Variants in FRMD4A observed in about 807,000 individuals in gnomAD.
FRMD4A encodes the protein FERM domain-containing protein 4A.
A neutral mutation model predicts 129.1 loss-of-function variants in FRMD4A; 29 were observed. The ratio of observed to expected loss-of-function variants is 0.22; its 90% confidence interval spans 0.17 to 0.31. The LOEUF (loss-of-function observed/expected upper bound fraction) is 0.31, where lower values mean the gene tolerates loss of function less well. FRMD4A is among the 10% of genes least tolerant of loss of function. The pLI, the probability that FRMD4A is intolerant of heterozygous loss-of-function variation, is 1.00. For missense variants in FRMD4A, 1,272 were observed against 1,375.8 expected (o/e 0.92, Z 1.19); for synonymous variants, 634 against 571.6 (o/e 1.11, Z -1.56).
intron 2 of FRMD4A, among the ~76,000 whole-genome samples, chr10:14,269,605 C>T (rs747101719): frequency 2.0e-5 from 3 of 152,056 alleles, no homozygotes; most frequent in Non-Finnish European, 4.4e-5. Context: ...AAGTTATCTG[C>T]GTCTAAGGGA....
chr10:14,108,929 C>T (rs1016158859), intron 2 of FRMD4A, among the ~76,000 whole-genome samples: 1 of 152,146 alleles, frequency 6.6e-6, no homozygotes, highest in Non-Finnish European at 1.5e-5. Flanking sequence ...TGAGACCTTC[C>T]CAGATCTTTG....
chr10:14,075,290 G>A (rs1835521567), intron 2 of FRMD4A, among the ~76,000 whole-genome samples: 1 of 152,136 alleles, frequency 6.6e-6, no homozygotes, highest in South Asian at 2.1e-4. Context: ...GGAAAGGGGA[G>A]GACATATTAT....
chr10:13,675,129 G>A, intron 15 of FRMD4A, 85 bp from the exon 16 acceptor site: 2 of 1,256,982 alleles, frequency 1.6e-6, no homozygotes, highest in Admixed American at 1.7e-5. Context: ...AGCCCATGCT[G>A]CGGAGATGGG....
At chr10:14,067,823 A>T (rs1471485134) in intron 2 of FRMD4A, among the ~76,000 whole-genome samples, 2 of 152,206 alleles carry the variant, frequency 1.3e-5, no homozygotes, top group Non-Finnish European at 2.9e-5. Context: ...TCTCAAAACA[A>T]AAACAAAAAA....
At chr10:13,937,861 A>C (rs866841335) in intron 2 of FRMD4A, among the ~76,000 whole-genome samples, 3 of 152,152 alleles carry the variant, frequency 2.0e-5, no homozygotes, top group Admixed American at 6.5e-5. Context: ...TAATCCTTCA[A>C]TTTCATTCTT....
At chr10:13,791,456 T>TGA (rs3032916) in intron 5 of FRMD4A, among the ~76,000 whole-genome samples, 1 of 150,862 alleles carries the variant, frequency 6.6e-6, no homozygotes, top group Non-Finnish European at 1.5e-5. Context: ...GGTGTGTGTG[T>TGA]GAGAGAAAGG....
intron 2 of FRMD4A, among the ~76,000 whole-genome samples, chr10:13,873,185 T>TAAA (rs1564950425): frequency 1.1e-4 from 1 of 9,076 alleles, no homozygotes; most frequent in Admixed American, 1.6e-3. Context: ...TCAAAAAAAA[T>TAAA]AAAATAAAAT....
chr10:13,804,571 G>C (rs978203548), intron 4 of FRMD4A, among the ~76,000 whole-genome samples: 3 of 133,418 alleles, frequency 2.2e-5, no homozygotes, highest in Admixed American at 7.4e-5. Context: ...TTGAGACGGA[G>C]TCTCGCTCTG....
At position 14,237,335 on chromosome 10, in the gene FRMD4A, T is replaced by TG. The variant is rs113631490; in HGVS notation, c.45+92722_45+92723insC. Among the ~76,000 whole-genome samples the TG allele has an allele frequency of 8.2e-4, 125 of 151,902 alleles. 1 individual carries two copies. Among genetic ancestry groups the TG allele is most frequent in the African/African-American group, 3.0e-3 (125 of 41,352 alleles). On this transcript the variant is annotated intron_variant, in intron 2 of 24. Transcript: ENST00000357447. ...CATATGGGGCATCAATTTCTCTTTT[T>TG]TTGTTGTTGTTTTGAGATGGTGTCA...
chr10:13,975,101 G>C (rs1245442647), intron 2 of FRMD4A, among the ~76,000 whole-genome samples: 1 of 151,862 alleles, frequency 6.6e-6, no homozygotes, highest in African/African-American at 2.4e-5. Flanking sequence ...GTATGTGTGT[G>C]TGTGCCTGGC....
At chr10:13,917,196 G>C (rs2095018902) in intron 2 of FRMD4A, among the ~76,000 whole-genome samples, 1 of 152,060 alleles carries the variant, frequency 6.6e-6, no homozygotes, top group South Asian at 2.1e-4. Flanking sequence ...AACACAGGAG[G>C]GATAAGCATG....
chr10:14,269,015 G>A (rs1845073388), intron 2 of FRMD4A, among the ~76,000 whole-genome samples: 1 of 152,138 alleles, frequency 6.6e-6, no homozygotes, highest in Admixed American at 6.5e-5. Flanking sequence ...AATAATTAGG[G>A]GCAGAAATGG....
At chr10:13,654,174 A>T (rs1477762685) in intron 23 of FRMD4A, 1 of 571,164 alleles carries the variant, frequency 1.8e-6, no homozygotes, top group East Asian at 3.0e-5. Flanking sequence ...CCATCTCCCC[A>T]CATCCCAAGG....
At chr10:13,993,395 T>C (rs888963189) in intron 2 of FRMD4A, among the ~76,000 whole-genome samples, 7 of 152,200 alleles carry the variant, frequency 4.6e-5, no homozygotes, top group African/African-American at 1.7e-4. Context: ...AAAGAGATGA[T>C]TTAGAACTGA....
intron 2 of FRMD4A, among the ~76,000 whole-genome samples, chr10:13,914,267 A>T (rs778628459): frequency 2.6e-5 from 4 of 152,244 alleles, no homozygotes; most frequent in Non-Finnish European, 4.4e-5. Flanking sequence ...TACTCTTATC[A>T]TAGGCAGACT....
intron 2 of FRMD4A, among the ~76,000 whole-genome samples, chr10:14,185,849 A>G (rs1842124815): frequency 6.6e-6 from 1 of 152,094 alleles, no homozygotes; most frequent in Non-Finnish European, 1.5e-5. Context: ...AGCCATGGCC[A>G]GGTTTCCCAT....
intron 2 of FRMD4A, among the ~76,000 whole-genome samples, chr10:14,311,467 T>C (rs1846543936): frequency 6.6e-6 from 1 of 152,132 alleles, no homozygotes; most frequent in Non-Finnish European, 1.5e-5. Flanking sequence ...ACACATCCTC[T>C]CTCCCTGCAA....
At chr10:14,232,703 T>C (rs1325686274) in intron 2 of FRMD4A, among the ~76,000 whole-genome samples, 1 of 152,242 alleles carries the variant, frequency 6.6e-6, no homozygotes. Context: ...TGGGATTGTG[T>C]TCTTGACTTG....
rs567121367 is a variant in FRMD4A, at chr10:14,040,837, A to T, written c.46-181925T>A. Among the ~76,000 whole-genome samples the T allele has an allele frequency of 3.3e-5, 5 of 152,320 alleles. No homozygotes were observed. In the South Asian group the frequency reaches 1.0e-3, roughly 32 times the overall value. ...ATACAGTGGTTTTGGCTTCATGTAC[A>T]CAGGTGTTCCATTTAATGAGGTGTT... is the stretch of plus-strand genomic sequence containing the variant. On this transcript the variant is annotated intron_variant, in intron 2 of 24. Transcript: ENST00000357447.
Sources: allele counts gnomAD v4.1 joint callset (sites outside exome capture counted in the v4.1 genomes callset), GRCh38; gene constraint gnomAD v4.1.1; transcripts MANE v1.5; gene names NCBI Gene and HGNC (gene_info 2026-07-23, HGNC 2026-07-21).